FAM178B: variants seen among roughly 807,000 people sequenced by gnomAD.
FAM178B encodes family with sequence similarity 178 member B.
Under a neutral mutation model 91.7 loss-of-function variants are expected in FAM178B, and 82 were observed. That is an observed-to-expected ratio of 0.89 (90% CI 0.75 to 1.07). The LOEUF is 1.07. Among genes scored for constraint, FAM178B ranks in the 50% least tolerant of loss-of-function variants. The pLI is 0.00. For synonymous variants in FAM178B, 368 were observed against 359.4 expected (o/e 1.02, Z -0.27); for missense variants, 769 against 846.7 (o/e 0.91, Z 1.14).
chr2:96,936,441 T>C (rs2081630804), intron 8 of FAM178B, among the ~76,000 whole-genome samples: 1 of 151,460 alleles, frequency 6.6e-6, no homozygotes, highest in African/African-American at 2.4e-5. Context: ...GACCTTGTGA[T>C]CTGCCCGCCT....
rs564185157 is a variant in FAM178B at position 96,894,000 on chromosome 2, G to A, written c.1702C>T (p.Gln568Ter). The A allele has an allele frequency of 1.2e-6, 2 of 1,612,760 alleles. No individual in the cohort carries two copies. Among genetic ancestry groups the A allele is most frequent in the Non-Finnish European group, 1.7e-6 (2 of 1,179,632 alleles). The change falls in exon 14 of 17, where the codon CAA becomes TAA. Residue 568 changes from glutamine (Q) to a stop codon, truncating the protein, a stop_gained. Transcript: ENST00000490605. LOFTEE classifies it high-confidence loss of function. ...LGLMRPSSLRQYLDSVPLPPC... is the reference protein window; with the variant it reads ...LGLMRPSSLR The stretch of plus-strand genomic sequence containing the variant: ...GGCAAGGGCACAGAGTCCAGGTATT[G>A]CCTGAGAGATGATGGCCTCATGAGG...
chr2:96,896,663 G>T lies in FAM178B; in HGVS notation c.1651-2612C>A, dbSNP rs1486255475. On this transcript the variant is annotated intron_variant, in intron 13 of 16. Transcript: ENST00000490605. ...TGGCCACACAGCATGTTGCTCCTGG[G>T]TGCAAATCCTGGCTTCCTCCTCACC... is the stretch of plus-strand genomic sequence containing the variant. Among the ~76,000 whole-genome samples the T allele has an allele frequency of 4.6e-5, 7 of 152,152 alleles. No individual in the cohort carries two copies. In the East Asian group the frequency reaches 1.4e-3, roughly 29 times the overall value.
intron 5 of FAM178B, 30 bp from the exon 6 acceptor site, chr2:96,960,470 C>T (rs1349377795): frequency 6.6e-7 from 1 of 1,513,862 alleles, no homozygotes; most frequent in African/African-American, 1.4e-5. Flanking sequence ...GAGGGCCGGG[C>T]ATCAGCAGAT....
intron 13 of FAM178B, among the ~76,000 whole-genome samples, chr2:96,897,132 G>A (rs979841461): frequency 6.6e-6 from 1 of 152,178 alleles, no homozygotes; most frequent in Non-Finnish European, 1.5e-5. Context: ...CTCCCAAAGC[G>A]CTGGGATTAG....
chr2:96,936,423 G>T (rs13002702), intron 8 of FAM178B, among the ~76,000 whole-genome samples: 68,032 of 150,828 alleles, frequency 0.45, 18,122 homozygotes, highest in Non-Finnish European at 0.61. Context: ...GGATGGTCTC[G>T]ATCTCCCGAC....
intron 12 of FAM178B, among the ~76,000 whole-genome samples, chr2:96,915,721 C>T (rs2081230319): frequency 6.6e-6 from 1 of 150,918 alleles, no homozygotes; most frequent in Admixed American, 6.6e-5. Flanking sequence ...GAGGCTGAGG[C>T]AGGAGAATCG....
In FAM178B at chr2:96,960,310, G is replaced by A. The variant is rs2082061211; in HGVS notation, c.865C>T (p.His289Tyr). 1 of 1,551,624 alleles carries A rather than the reference G, an allele frequency of 6.4e-7. No individual in the cohort carries two copies. Among genetic ancestry groups the A allele is most frequent in the Admixed American group, 2.0e-5 (1 of 50,986 alleles). Residue 289 changes from histidine to tyrosine, a missense_variant, in exon 6 of 17, where the codon CAC (histidine) becomes TAC (tyrosine). His to Tyr is a moderately conservative substitution (Grantham distance 83). Transcript: ENST00000490605. Reference sequence around the variant, plus strand: ...TACCTGAGGAACAGCCCTTCCAGGTGGCTGCGTGGCTTCAGGAGTGAGGAG... The same window carrying A: ...TACCTGAGGAACAGCCCTTCCAGGTAGCTGCGTGGCTTCAGGAGTGAGGAG... ...LDSSLLKPRSHLEGLFLSSPP... is the reference protein window; with the variant it reads ...LDSSLLKPRSYLEGLFLSSPP...
intron 12 of FAM178B, among the ~76,000 whole-genome samples, chr2:96,909,295 C>T (rs1437626033): frequency 6.6e-6 from 1 of 152,184 alleles, no homozygotes; most frequent in African/African-American, 2.4e-5. Flanking sequence ...CAAGACAGCC[C>T]AAATTCATTT....
chr2:96,963,817 C>T (rs2082112161), intron 5 of FAM178B, among the ~76,000 whole-genome samples: 1 of 152,198 alleles, frequency 6.6e-6, no homozygotes, highest in Non-Finnish European at 1.5e-5. Context: ...GTCCTCAAGG[C>T]CTAAAATATT....
At chr2:96,913,634 A>G (rs1201228517) in intron 12 of FAM178B, among the ~76,000 whole-genome samples, 1 of 152,198 alleles carries the variant, frequency 6.6e-6, no homozygotes, top group Non-Finnish European at 1.5e-5. Context: ...GCCTGTCTGC[A>G]CTTCCGCTCC....
chr2:96,950,010 C>G, intron 7 of FAM178B: 1 of 985,888 alleles, frequency 1.0e-6, no homozygotes, highest in African/African-American at 1.7e-5. Flanking sequence ...CTGCACTCCT[C>G]TCCCCTCCAG....
chr2:96,972,696 C>T, intron 1 of FAM178B, 90 bp from the exon 2 acceptor site: 5 of 1,238,674 alleles, frequency 4.0e-6, no homozygotes, highest in Non-Finnish European at 4.6e-6. Context: ...AGGGCCTGGG[C>T]CCACTGTGCC....
chr2:96,959,199 G>GGAAAAAAAAAAAAAA (rs1273953141), intron 6 of FAM178B, among the ~76,000 whole-genome samples: 4 of 82,122 alleles, frequency 4.9e-5, no homozygotes, highest in African/African-American at 1.3e-4. Context: ...ACTCAGTTTT[G>GGAAAAAAAAAAAAAA]AAAAAAAAAA....
At chr2:96,956,713 A>G (rs2082004790) in intron 6 of FAM178B, 1 of 152,202 alleles carries the variant, frequency 6.6e-6, no homozygotes, top group African/African-American at 2.4e-5. Context: ...GTCAGCTCCC[A>G]CAGCATGAAC....
At chr2:96,882,930 C>T (rs1361128106) in intron 14 of FAM178B, among the ~76,000 whole-genome samples, 3 of 152,242 alleles carry the variant, frequency 2.0e-5, no homozygotes, top group African/African-American at 7.2e-5. Flanking sequence ...TGCCCGGACC[C>T]AATACTGACA....
chr2:96,936,663 C>G (rs765279336), intron 8 of FAM178B, among the ~76,000 whole-genome samples: 130 of 152,074 alleles, frequency 8.5e-4, no homozygotes, highest in Non-Finnish European at 1.7e-3. Flanking sequence ...GCGCCTGCCA[C>G]CACACCTGAC....
chr2:96,936,766 C>G (rs1435941980), intron 8 of FAM178B, among the ~76,000 whole-genome samples: 1 of 152,136 alleles, frequency 6.6e-6, no homozygotes, highest in Non-Finnish European at 1.5e-5. Flanking sequence ...CCACCTCATC[C>G]TCCCAAAATG....
chr2:96,925,933 T>C (rs3903548), intron 9 of FAM178B, among the ~76,000 whole-genome samples: 13,669 of 152,268 alleles, frequency 0.09, 1,180 homozygotes, highest in African/African-American at 0.23. Flanking sequence ...GCCCCCTCAC[T>C]TGATAGGACG....
chr2:96,981,847 G>A (rs1323486134), intron 1 of FAM178B, among the ~76,000 whole-genome samples: 1 of 151,760 alleles, frequency 6.6e-6, no homozygotes, highest in Non-Finnish European at 1.5e-5. Flanking sequence ...AAGGCAGATC[G>A]CTTGAGTCCA....
Sources: gnomAD v4.1 joint callset for allele counts (sites outside exome capture counted in the v4.1 genomes callset) on GRCh38, gnomAD v4.1.1 for gene constraint, MANE v1.5 for transcripts, NCBI Gene and HGNC (gene_info 2026-07-23, HGNC 2026-07-21) for gene names.